Variants in DDAH1 observed in about 807,000 individuals in gnomAD.
DDAH1 encodes the protein dimethylarginine dimethylaminohydrolase 1, also known as N(G),N(G)-dimethylarginine dimethylaminohydrolase 1.
Under a neutral mutation model 28.8 loss-of-function variants are expected in DDAH1, and 19 were observed. The ratio of observed to expected loss-of-function variants is 0.66; its 90% CI spans 0.46 to 0.97. The LOEUF is 0.97. Among genes scored for constraint, DDAH1 ranks in the 50% least tolerant of loss-of-function variants. The probability of loss-of-function intolerance (pLI) is 0.00; values close to 1 mark genes in which losing one functional copy is unlikely to be tolerated. For synonymous variants in DDAH1, 153 were observed against 154.4 expected (o/e 0.99, Z 0.07); for missense variants, 326 against 375.9 (o/e 0.87, Z 1.10).
At chr1:85,562,158 T>C (rs1248600039) in intron 1 of DDAH1, among the ~76,000 whole-genome samples, 2 of 151,964 alleles carry the variant, frequency 1.3e-5, no homozygotes, top group Non-Finnish European at 2.9e-5. Context: ...GGCCAAAAAA[T>C]ATACAATGGC....
At chr1:85,564,118 G>A (rs971204246) in intron 1 of DDAH1, among the ~76,000 whole-genome samples, 1 of 152,184 alleles carries the variant, frequency 6.6e-6, no homozygotes, top group Non-Finnish European at 1.5e-5. Flanking sequence ...GTTGCAGTAA[G>A]CTGAGATTGC....
At chr1:85,479,159 CTTTTTTTTTTTTTTT>C (rs35629726) in intron 2 of DDAH1, among the ~76,000 whole-genome samples, 3 of 78,618 alleles carry the variant, frequency 3.8e-5, no homozygotes, top group Non-Finnish European at 7.0e-5. Context: ...TTCTGTTTTT[CTTTTTTTTTTTTTTT>C]TTTTTTTTTT....
intron 1 of DDAH1, among the ~76,000 whole-genome samples, chr1:85,400,177 CT>C (rs61677601): frequency 0.082 from 4,470 of 54,828 alleles, 426 homozygotes; most frequent in African/African-American, 0.23. Context: ...CTTTTCTTTT[CT>C]TTTTTTTTTT....
chr1:85,455,922 A>G (rs1163350215), intron 1 of DDAH1, among the ~76,000 whole-genome samples: 1 of 152,208 alleles, frequency 6.6e-6, no homozygotes, highest in Non-Finnish European at 1.5e-5. Flanking sequence ...TTAGTTAATT[A>G]AGCAGAAAAA....
chr1:85,397,791 C>T (rs1007600786), intron 1 of DDAH1, among the ~76,000 whole-genome samples: 6 of 152,024 alleles, frequency 3.9e-5, no homozygotes, highest in African/African-American at 1.5e-4. Flanking sequence ...ATGTTTATCC[C>T]CTCTAAATCT....
At chr1:85,485,192 A>C (rs1221729047) in intron 2 of DDAH1, among the ~76,000 whole-genome samples, 1 of 152,154 alleles carries the variant, frequency 6.6e-6, no homozygotes, top group African/African-American at 2.4e-5. Context: ...GGACCTAACA[A>C]TTTTCTACAG....
At chr1:85,531,584 C>T (rs2100774312) in intron 1 of DDAH1, among the ~76,000 whole-genome samples, 1 of 149,772 alleles carries the variant, frequency 6.7e-6, no homozygotes, top group East Asian at 2.0e-4. Flanking sequence ...TTACATTCCT[C>T]ACAATGAGCC....
chr1:85,381,369 T>C (rs995145905), intron 1 of DDAH1, among the ~76,000 whole-genome samples: 3 of 151,360 alleles, frequency 2.0e-5, no homozygotes, highest in African/African-American at 7.3e-5. Flanking sequence ...TCAATAGTTT[T>C]GGGGGAGCAG....
rs116093981 is a variant in DDAH1 at position 85,329,068 on chromosome 1, C to A, written c.598-4185G>T. Among the ~76,000 whole-genome samples, 598 of 152,346 alleles carry A rather than the reference C, an allele frequency of 3.9e-3. 4 individuals are homozygous for A. The highest frequency in any genetic ancestry group is 0.014 in the African/African-American group (569 of 41,582). On this transcript the variant is annotated intron_variant, in intron 4 of 5. Transcript: ENST00000284031. ...TTAGGCCTGACTTTATTCACTGGAT[C>A]TAGCGGTCTGGGCAAATTCCCCACC...
At chr1:85,327,228 T>A (rs1284551942) in intron 4 of DDAH1, among the ~76,000 whole-genome samples, 1 of 152,208 alleles carries the variant, frequency 6.6e-6, no homozygotes, top group Non-Finnish European at 1.5e-5. Context: ...AGTCACCTCC[T>A]CAGGAGGCTG....
At chr1:85,327,302 A>G (rs1397764221) in intron 4 of DDAH1, among the ~76,000 whole-genome samples, 1 of 152,214 alleles carries the variant, frequency 6.6e-6, no homozygotes, top group African/African-American at 2.4e-5. Flanking sequence ...AGCCTGAGCC[A>G]CAGATAATCT....
intron 1 of DDAH1, among the ~76,000 whole-genome samples, chr1:85,382,332 C>A (rs953315170): frequency 6.6e-6 from 1 of 152,092 alleles, no homozygotes; most frequent in Admixed American, 6.6e-5. Flanking sequence ...CAGAGCAAGG[C>A]CCCAACTCTC....
intron 1 of DDAH1, among the ~76,000 whole-genome samples, chr1:85,397,899 TA>T (rs1327939860): frequency 6.6e-6 from 1 of 152,098 alleles, no homozygotes; most frequent in Non-Finnish European, 1.5e-5. Flanking sequence ...CTACCATAAG[TA>T]AAAGCTTTCT....
intron 1 of DDAH1, among the ~76,000 whole-genome samples, chr1:85,518,201 A>G (rs1436334861): frequency 3.3e-5 from 5 of 152,162 alleles, no homozygotes; most frequent in African/African-American, 4.8e-5. Context: ...TTTCACTACA[A>G]CTTATTAGTT....
At position 85,360,521 on chromosome 1, in the gene DDAH1, A is replaced by G. The variant is rs969850133; in HGVS notation, c.304-1674T>C. Among the ~76,000 whole-genome samples the G allele has an allele frequency of 2.3e-4, 35 of 152,224 alleles. 1 individual carries two copies. Among genetic ancestry groups the G allele is most frequent in the Non-Finnish European group, 1.5e-5 (1 of 68,044 alleles). On this transcript the variant is annotated intron_variant, in intron 1 of 5. Transcript: ENST00000284031. ...TTTTGACATCTCTGCTTCTTTGTCC[A>G]TGGAAAATTCACTGAGCTTAGGGAG...
rs144271552 is a variant in DDAH1 at position 85,329,562 on chromosome 1, T to C, written c.598-4679A>G. Among the ~76,000 whole-genome samples, 457 of 152,318 alleles carry C rather than the reference T, an allele frequency of 3.0e-3. 11 individuals carry two copies. Among genetic ancestry groups the C allele is most frequent in the Admixed American group, 0.028 (434 of 15,300 alleles). ...ATTTGAGGACAGTTTCAATTTTTCATTACTGGGAGGAAAGGAATTATAATA... is the reference window on the plus strand; with the variant it reads ...ATTTGAGGACAGTTTCAATTTTTCACTACTGGGAGGAAAGGAATTATAATA... On this transcript the variant is annotated intron_variant, in intron 4 of 5. Transcript: ENST00000284031.
At position 85,321,065 on chromosome 1, in the gene DDAH1, GA is replaced by G. The variant is rs550307646; in HGVS notation, c.*386del. ...TTCACAGGAACCAAACATGATTCAT[GA>G]AAAAAAAAAAAAAAAAAAGCAAGCT... On this transcript the variant is annotated 3_prime_UTR_variant, in exon 6 of 6. Transcript: ENST00000284031. The G allele has an allele frequency of 3.6e-3, 261 of 73,264 alleles. No homozygotes were observed. Among genetic ancestry groups the G allele is most frequent in the African/African-American group, 5.2e-3 (87 of 16,746 alleles). 4.5% of individuals were successfully genotyped at this position (73,264 alleles called of 1,614,324 possible).
chr1:85,489,058 G>T (rs1428914780), intron 2 of DDAH1, among the ~76,000 whole-genome samples: 1 of 152,184 alleles, frequency 6.6e-6, no homozygotes, highest in Non-Finnish European at 1.5e-5. Flanking sequence ...TTACTTACCA[G>T]GCATGTTATA....
chr1:85,363,506 G>C (rs892787597), intron 1 of DDAH1, among the ~76,000 whole-genome samples: 7 of 152,240 alleles, frequency 4.6e-5, no homozygotes, highest in Non-Finnish European at 2.9e-5. Context: ...TCTAGCTCCA[G>C]AGAGTTGAAC....
Sources: allele counts gnomAD v4.1 joint callset (sites outside exome capture counted in the v4.1 genomes callset), GRCh38; gene constraint gnomAD v4.1.1; transcripts MANE v1.5; gene names NCBI Gene and HGNC (gene_info 2026-07-23, HGNC 2026-07-21).